SLC24A5: variants seen among roughly 807,000 people sequenced by gnomAD.
The protein encoded by SLC24A5 is solute carrier family 24 member 5.
SLC24A5 carries 46 observed loss-of-function variants against 51.6 expected under a neutral mutation model. The ratio of observed to expected loss-of-function variants is 0.89; its 90% CI spans 0.70 to 1.14. The LOEUF (loss-of-function observed/expected upper bound fraction) is 1.14, where lower values mean the gene tolerates loss of function less well. Ranked by LOEUF, SLC24A5 falls within the 50% of genes most tolerant of loss-of-function variation. The probability of loss-of-function intolerance (pLI) is 0.00; values close to 1 mark genes in which losing one functional copy is unlikely to be tolerated. For synonymous variants in SLC24A5, 230 were observed against 214.9 expected (o/e 1.07, Z -0.62); for missense variants, 581 against 604.1 (o/e 0.96, Z 0.40).
At chr15:48,130,952 C>T (rs2038783821) in intron 2 of SLC24A5, among the ~76,000 whole-genome samples, 1 of 152,018 alleles carries the variant, frequency 6.6e-6, no homozygotes, top group Non-Finnish European at 1.5e-5. Flanking sequence ...AGGGTTTATG[C>T]CCTAACTCTC....
chr15:48,129,049 C>T lies in SLC24A5; in HGVS notation c.302-5209C>T, dbSNP rs989523187. Among the ~76,000 whole-genome samples, 11 of 151,978 alleles carry T rather than the reference C, an allele frequency of 7.2e-5. No homozygotes were observed. The East Asian group carries it at 9.6e-4, about 13-fold the overall frequency. ...TAAAGTGTCTTGTATAAAAGAGGTA[C>T]ACTTCATAAGATAGGCTAAGAGCAG... On this transcript the variant is annotated intron_variant, in intron 2 of 8. Coordinates refer to ENST00000341459, the MANE Select transcript of SLC24A5 (RefSeq NM_205850.3).
In SLC24A5 at chr15:48,142,091, G is replaced by C. The variant is rs958915616; in HGVS notation, c.1243G>C (p.Gly415Arg). 1 of 1,613,682 alleles carries C rather than the reference G, an allele frequency of 6.2e-7. No homozygotes were observed. Among genetic ancestry groups the C allele is most frequent in the Non-Finnish European group, 8.5e-7 (1 of 1,179,872 alleles). Residue 415 changes from glycine to arginine, a missense_variant, in exon 9 of 9, where the codon GGT becomes CGT. Transcript: ENST00000341459. The stretch of plus-strand genomic sequence containing the variant: ...CAATGTGTTTGATATGTTGTGCCTT[G>C]GTATTCCATGGTTTATTAAAACTGC... Reference protein sequence around the residue: ...GSNVFDMLCLGIPWFIKTAFI... With the variant: ...GSNVFDMLCLRIPWFIKTAFI...
At chr15:48,137,206 T>C (rs559336119) in intron 6 of SLC24A5, 3 of 416,608 alleles carry the variant, frequency 7.2e-6, no homozygotes, top group African/African-American at 4.1e-5. Context: ...GGTTCACAAA[T>C]GGGACAGATT....
At chr15:48,138,801 A>G (rs192837114) in intron 6 of SLC24A5, 168 bp from the exon 7 acceptor site, 3 of 587,302 alleles carry the variant, frequency 5.1e-6, no homozygotes, top group Admixed American at 3.0e-5. Context: ...TAAAGTTTCA[A>G]TTAGTTTCTT....
chr15:48,126,320 C>T (rs937196106), intron 2 of SLC24A5, among the ~76,000 whole-genome samples: 1 of 152,208 alleles, frequency 6.6e-6, no homozygotes, highest in African/African-American at 2.4e-5. Flanking sequence ...AATGCTGTTG[C>T]TATGCCCCCT....
Position 48,134,892 on chromosome 15 carries a change from A to C in SLC24A5, c.498A>C (p.Thr166=), listed in dbSNP as rs767431083. The C allele has an allele frequency of 6.2e-7, 1 of 1,609,984 alleles. No homozygotes were observed. Among genetic ancestry groups the C allele is most frequent in the Non-Finnish European group, 8.5e-7 (1 of 1,177,504 alleles). Residue 166 remains threonine (T), a synonymous_variant, in exon 5 of 9, where the codon ACA becomes ACC. Transcript: ENST00000341459. The stretch of plus-strand genomic sequence containing the variant: ...AACTTACCATATTACAGGTCTCAAC[A>C]CTATCATGTTGGCCCCTATTCAGAG... ...ACGLLSNTVS[T]LSCWPLFRDC...
chr15:48,121,759 G>A (rs1881513001), intron 1 of SLC24A5, 98 bp from the exon 2 acceptor site: 1 of 1,236,482 alleles, frequency 8.1e-7, no homozygotes, highest in Non-Finnish European at 1.2e-6. Context: ...AATTCCACCC[G>A]GTTACCCCAC....
chr15:48,125,005 A>G (rs980328353), intron 2 of SLC24A5, among the ~76,000 whole-genome samples: 1 of 152,320 alleles, frequency 6.6e-6, no homozygotes, highest in East Asian at 1.9e-4. Flanking sequence ...CCAAATTATG[A>G]CATCAGCAAT....
intron 2 of SLC24A5, 127 bp from the exon 3 acceptor site, chr15:48,134,127 CTGTG>C (rs567124195): frequency 2.7e-6 from 2 of 749,272 alleles, no homozygotes; most frequent in Admixed American, 2.6e-5. Flanking sequence ...CTCTTTTAAT[CTGTG>C]TATTTTATTT....
Position 48,121,171 on chromosome 15 carries a change from T to G in SLC24A5, c.121+6T>G. On this transcript the variant is annotated splice_donor_region_variant and intron_variant, in intron 1 of 8. Transcript: ENST00000341459. ...ACGTCTCCCAAGGGCCACAGGTAGGTGGACATTGGGGTCAGTTAGCTCTGC... is the reference window on the plus strand; with the variant it reads ...ACGTCTCCCAAGGGCCACAGGTAGGGGGACATTGGGGTCAGTTAGCTCTGC... 1.2e-6 allele frequency: 2 copies of G among 1,609,316 alleles called. No individual in the cohort carries two copies. Among genetic ancestry groups the G allele is most frequent in the Non-Finnish European group, 1.7e-6 (2 of 1,177,598 alleles).
rs528149831 is a variant in SLC24A5, at chr15:48,138,891, T to C, written c.872-78T>C. On this transcript the variant is annotated intron_variant, in intron 6 of 8. Coordinates refer to ENST00000341459, the MANE Select transcript of SLC24A5 (RefSeq NM_205850.3). ...AACTGATACAGCTAATTTATTTCAA[T>C]ATAACTTTCTAAATAGGCATTTCTA... 13 of 1,060,748 alleles carry C rather than the reference T, an allele frequency of 1.2e-5. No individual in the cohort carries two copies. In the Admixed American group the frequency reaches 2.8e-4, roughly 22 times the overall value. 65.7% of individuals were successfully genotyped at this position (1,060,748 alleles called of 1,614,324 possible).
At chr15:48,125,665 T>C (rs943900600) in intron 2 of SLC24A5, among the ~76,000 whole-genome samples, 1 of 152,204 alleles carries the variant, frequency 6.6e-6, no homozygotes, top group Non-Finnish European at 1.5e-5. Context: ...ATACATTGAA[T>C]TATTTACAAA....
intron 8 of SLC24A5, 101 bp from the exon 9 acceptor site, chr15:48,141,928 A>G: frequency 1.1e-6 from 1 of 920,608 alleles, no homozygotes; most frequent in Middle Eastern, 2.4e-4. Context: ...TTCAAAACGA[A>G]TCAACAACAA....
chr15:48,137,047 T>C (rs1207561528), intron 6 of SLC24A5, 84 bp downstream of exon 6: 5 of 1,406,936 alleles, frequency 3.6e-6, no homozygotes, highest in Non-Finnish European at 3.8e-6. Flanking sequence ...AAGTATTGTG[T>C]GCTTTTTATG....
chr15:48,141,476 CTGA>C (rs1260544131), intron 8 of SLC24A5: 2 of 252,322 alleles, frequency 7.9e-6, no homozygotes, highest in Non-Finnish European at 1.5e-5. Flanking sequence ...ACTCAGGAGG[CTGA>C]GGCAGGAGAA....
Position 48,121,153 on chromosome 15 carries a change from C to A in SLC24A5, c.109C>A (p.Pro37Thr), listed in dbSNP as rs1177484838. 1 of 1,612,856 alleles carries A rather than the reference C, an allele frequency of 6.2e-7. No individual in the cohort carries two copies. Among genetic ancestry groups the A allele is most frequent in the Non-Finnish European group, 8.5e-7 (1 of 1,179,354 alleles). ...AGGGACCTCCCTGCCCCAACGTCTC[C>A]CAAGGGCCACAGGTAGGTGGACATT... is the stretch of plus-strand genomic sequence containing the variant. ...LSGTSLPQRL[P>T]RATGNSTQCV... The change falls in exon 1 of 9, where the codon CCA becomes ACA. Residue 37 changes from proline (P) to threonine (T), a missense_variant. Physicochemically the swap from Pro to Thr is conservative, Grantham distance 38. Coordinates refer to ENST00000341459, the MANE Select transcript of SLC24A5 (RefSeq NM_205850.3).
intron 2 of SLC24A5, chr15:48,123,342 G>C (rs572856603): frequency 4.0e-5 from 6 of 151,506 alleles, no homozygotes; most frequent in Non-Finnish European, 8.8e-5. Flanking sequence ...AGAAGAGAAA[G>C]ATAAAATCAC....
chr15:48,129,580 G>C (rs907705772), intron 2 of SLC24A5, among the ~76,000 whole-genome samples: 29 of 151,986 alleles, frequency 1.9e-4, no homozygotes, highest in African/African-American at 6.8e-4. Context: ...ATAGCCTATG[G>C]CTGTAACTAT....
At chr15:48,124,319 T>C (rs2038709830) in intron 2 of SLC24A5, 2 of 152,086 alleles carry the variant, frequency 1.3e-5, no homozygotes, top group African/African-American at 4.8e-5. Flanking sequence ...TTTCCAACAG[T>C]TGATCAATTT....
Sources: allele counts gnomAD v4.1 joint callset (sites outside exome capture counted in the v4.1 genomes callset), GRCh38; gene constraint gnomAD v4.1.1; transcripts MANE v1.5; gene names NCBI Gene and HGNC (gene_info 2026-07-23, HGNC 2026-07-21).